The following CATSPERT variants were observed in gnomAD, a reference collection of about 807,000 sequenced individuals.
The protein encoded by CATSPERT is catsper channel auxiliary subunit tau.
the CATSPERT span, among the ~76,000 whole-genome samples, chr2:201,498,410 G>C: frequency 2.1e-4 from 32 of 152,142 alleles, no homozygotes; most frequent in African/African-American, 7.7e-4. Context: ...GGCAAGGGAA[G>C]AGGGAGTGAG....
chr2:201,590,702 A>T, the CATSPERT span, among the ~76,000 whole-genome samples: 1 of 152,054 alleles, frequency 6.6e-6, no homozygotes, highest in African/African-American at 2.4e-5. Context: ...ATGGTATCTC[A>T]TTGTGGTTTT....
chr2:201,599,466 A>G, the CATSPERT span, among the ~76,000 whole-genome samples: 2 of 152,130 alleles, frequency 1.3e-5, no homozygotes, highest in African/African-American at 4.8e-5. Context: ...CATTCCTCCA[A>G]TATATTCTAT....
the CATSPERT span, among the ~76,000 whole-genome samples, chr2:201,536,837 T>C: frequency 6.6e-6 from 1 of 151,938 alleles, no homozygotes; most frequent in African/African-American, 2.4e-5. Flanking sequence ...CTCCTTGAAC[T>C]GCGGAAAACA....
chr2:201,561,912 T>A, the CATSPERT span, among the ~76,000 whole-genome samples: 1 of 151,374 alleles, frequency 6.6e-6, no homozygotes. Context: ...AAAGATAATA[T>A]AAAACACCTA....
At chr2:201,582,279 ATACATCCAATATACTAT>A in the CATSPERT span, 3 of 1,419,732 alleles carry the variant, frequency 2.1e-6, no homozygotes, top group African/African-American at 4.4e-5. Context: ...TTCTGAACAC[ATACATCCAATATACTAT>A]TACTATATTA....
the CATSPERT span, among the ~76,000 whole-genome samples, chr2:201,509,727 TTTC>T: frequency 6.6e-6 from 1 of 151,056 alleles, no homozygotes; most frequent in Non-Finnish European, 1.5e-5. Flanking sequence ...CTATCTTATT[TTTC>T]TTCTCAAAAT....
At chr2:201,511,244 T>C in the CATSPERT span, among the ~76,000 whole-genome samples, 1 of 152,296 alleles carries the variant, frequency 6.6e-6, no homozygotes, top group East Asian at 1.9e-4. Context: ...AATACGCTTG[T>C]ACCCTCTGAT....
the CATSPERT span, among the ~76,000 whole-genome samples, chr2:201,538,659 C>T: frequency 6.6e-6 from 1 of 151,964 alleles, no homozygotes; most frequent in East Asian, 1.9e-4. Context: ...AGATAGCAAA[C>T]TTTTTTTATA....
At chr2:201,527,685 C>T in the CATSPERT span, among the ~76,000 whole-genome samples, 2 of 152,138 alleles carry the variant, frequency 1.3e-5, no homozygotes, top group African/African-American at 2.4e-5. Flanking sequence ...ATAAATGGTG[C>T]TAGGATAACT....
At chr2:201,604,168 T>TGA in the CATSPERT span, among the ~76,000 whole-genome samples, 61 of 151,350 alleles carry the variant, frequency 4.0e-4, no homozygotes, top group African/African-American at 1.4e-3. Context: ...TGTGTGTGTG[T>TGA]GAAAGAGAGA....
At chr2:201,593,980 T>A in the CATSPERT span, among the ~76,000 whole-genome samples, 4 of 152,072 alleles carry the variant, frequency 2.6e-5, no homozygotes, top group Non-Finnish European at 5.9e-5. Context: ...CCATTTACAT[T>A]TAAGGTTAAT....
chr2:201,609,312 G>C, the CATSPERT span, among the ~76,000 whole-genome samples: 1 of 152,050 alleles, frequency 6.6e-6, no homozygotes, highest in African/African-American at 2.4e-5. Flanking sequence ...AGAAACATGG[G>C]ATTTAAATTA....
the CATSPERT span, chr2:201,554,158 A>G: frequency 2.6e-5 from 4 of 152,224 alleles, no homozygotes; most frequent in African/African-American, 9.6e-5. Context: ...GACTACTAGT[A>G]TAATGGGATC....
chr2:201,590,073 G>A, the CATSPERT span, among the ~76,000 whole-genome samples: 2 of 151,900 alleles, frequency 1.3e-5, no homozygotes, highest in African/African-American at 2.4e-5. Flanking sequence ...CCATGCTGGT[G>A]CACTGCACCC....
the CATSPERT span, among the ~76,000 whole-genome samples, chr2:201,551,734 G>A: frequency 2.8e-4 from 43 of 151,846 alleles, no homozygotes; most frequent in African/African-American, 9.9e-4. Context: ...GAGAAACCCC[G>A]TCTCTACTAA....
At chr2:201,524,484 G>A in the CATSPERT span, among the ~76,000 whole-genome samples, 1 of 152,090 alleles carries the variant, frequency 6.6e-6, no homozygotes, top group Non-Finnish European at 1.5e-5. Context: ...TGCTAAATAT[G>A]GGGGAAAAAA....
the CATSPERT span, chr2:201,492,184 T>A: frequency 6.6e-7 from 1 of 1,522,102 alleles, no homozygotes; most frequent in Non-Finnish European, 8.8e-7. Context: ...TCTTGAATAT[T>A]TATTTTGCTT....
chr2:201,541,952 T>C, the CATSPERT span, among the ~76,000 whole-genome samples: 1 of 152,052 alleles, frequency 6.6e-6, no homozygotes, highest in South Asian at 2.1e-4. Context: ...TACAGTGGCA[T>C]GATCCTACCT....
the CATSPERT span, among the ~76,000 whole-genome samples, chr2:201,519,572 T>C: frequency 6.6e-6 from 1 of 150,542 alleles, no homozygotes; most frequent in South Asian, 2.1e-4. Flanking sequence ...AAGGAAACAC[T>C]GAGATACAAG....
Sources: allele counts gnomAD v4.1 joint callset (sites outside exome capture counted in the v4.1 genomes callset), GRCh38; gene constraint gnomAD v4.1.1; transcripts MANE v1.5; gene names NCBI Gene and HGNC (gene_info 2026-07-23, HGNC 2026-07-21).